LRRD1: variants seen among roughly 807,000 people sequenced by gnomAD.
LRRD1 encodes the protein leucine rich repeats and death domain containing 1, also known as leucine-rich repeat and death domain-containing protein 1.
Under a neutral mutation model 69.5 loss-of-function variants are expected in LRRD1, and 49 were observed. The ratio of observed to expected loss-of-function variants is 0.70; its 90% CI spans 0.56 to 0.89. The LOEUF is 0.89. Among genes scored for constraint, LRRD1 ranks in the 40% least tolerant of loss-of-function variants. The pLI is 0.00. For synonymous variants in LRRD1, 303 were observed against 338.9 expected (o/e 0.89, Z 1.16); for missense variants, 853 against 956.0 (o/e 0.89, Z 1.42).
At chr7:92,178,253 C>T (rs1207894520) in intron 1 of LRRD1, among the ~76,000 whole-genome samples, 2 of 151,936 alleles carry the variant, frequency 1.3e-5, no homozygotes, top group African/African-American at 2.4e-5. Context: ...GTGGAGGTTG[C>T]GGTGAGCCGA....
At position 92,152,315 on chromosome 7, in the gene LRRD1, T is replaced by A. The variant is rs567386225; in HGVS notation, c.2117-1620A>T. 1.3e-4 allele frequency among the ~76,000 whole-genome samples: 20 copies of A among 152,088 alleles called. 1 individual carries two copies. In the South Asian group the frequency reaches 4.1e-3, roughly 32 times the overall value. ...GCATTACAACAATATCAGTGTTGTG[T>A]GTATCAATAGTTTTTTTCTTTTTAA... is the stretch of plus-strand genomic sequence containing the variant. On this transcript the variant is annotated intron_variant, in intron 3 of 5. Transcript: ENST00000458448.
chr7:92,173,860 A>G (rs1449658082), intron 1 of LRRD1, among the ~76,000 whole-genome samples: 1 of 151,228 alleles, frequency 6.6e-6, no homozygotes, highest in Non-Finnish European at 1.5e-5. Context: ...TCACTATATC[A>G]AAGAGATATC....
At chr7:92,142,843 G>GCACCC, downstream of LRRD1, 1 of 406,546 alleles carries the variant, frequency 2.5e-6, no homozygotes, top group Non-Finnish European at 4.8e-6. Flanking sequence ...CGTGTTGAGT[G>GCACCC]TTACAGCTCA....
intron 1 of LRRD1, among the ~76,000 whole-genome samples, chr7:92,168,660 GA>G (rs61001338): frequency 0.053 from 5,114 of 96,914 alleles, 224 homozygotes; most frequent in African/African-American, 0.16. Flanking sequence ...ACTGAGTGGA[GA>G]AAAAAAAAAA....
chr7:92,158,972 T>C, intron 3 of LRRD1, 33 bp downstream of exon 3: 2 of 1,495,634 alleles, frequency 1.3e-6, no homozygotes, highest in Non-Finnish European at 1.8e-6. Context: ...CTCTACTTAT[T>C]GATTATGCTT....
intron 4 of LRRD1, among the ~76,000 whole-genome samples, chr7:92,147,521 A>G (rs1820359460): frequency 7.0e-6 from 1 of 143,518 alleles, no homozygotes. Flanking sequence ...TTTGGTGGAG[A>G]ATATGGGCAA....
chr7:92,165,610 C>G (rs1788889713), intron 1 of LRRD1, among the ~76,000 whole-genome samples: 1 of 151,966 alleles, frequency 6.6e-6, no homozygotes, highest in South Asian at 2.1e-4. Flanking sequence ...CCTGTAATCC[C>G]AGCACTTTGG....
rs966771355 is a variant in LRRD1, at chr7:92,159,112, A to C, written c.2009T>G (p.Ile670Arg). The C allele has an allele frequency of 6.5e-7, 1 of 1,547,936 alleles. No individual in the cohort carries two copies. Among genetic ancestry groups the C allele is most frequent in the African/African-American group, 1.4e-5 (1 of 72,878 alleles). Residue 670 changes from isoleucine (I) to arginine (R), a missense_variant, in exon 3 of 6, where the codon ATA (isoleucine) becomes AGA (arginine). Ile to Arg is a moderately conservative substitution (Grantham distance 97, BLOSUM62 -3). Around this residue, in one of 3 missense-constraint regions of LRRD1, gnomAD observed 739 missense variants for 808.0 expected, o/e 0.91. Transcript: ENST00000458448. ...NNAIREIPRNIGELRNLVSLH... is the reference protein window; with the variant it reads ...NNAIREIPRNRGELRNLVSLH... The stretch of plus-strand genomic sequence containing the variant: ...ACTAACCAAATTTCTCAATTCTCCT[A>C]TATTTCTTGGAATCTCTCTGATTGC...
At position 92,153,725 on chromosome 7, in the gene LRRD1, A is replaced by G. The variant is rs560789001; in HGVS notation, c.2117-3030T>C. On this transcript the variant is annotated intron_variant, in intron 3 of 5. Coordinates refer to ENST00000458448, the MANE Select transcript of LRRD1 (RefSeq NM_001161528.2). ...CAGGCGCCTGTAATCCCAGCTACTC[A>G]GGAGGCTGAGGCAGGAAACCCCAGA... 3.0e-4 allele frequency among the ~76,000 whole-genome samples: 46 copies of G among 151,420 alleles called. 1 individual carries two copies. In the East Asian group the frequency reaches 8.7e-3, roughly 29 times the overall value.
downstream of LRRD1, among the ~76,000 whole-genome samples, chr7:92,143,875 G>A (rs951012849): frequency 1.9e-4 from 29 of 152,242 alleles, no homozygotes; most frequent in African/African-American, 5.3e-4. Context: ...CTGCCAGCAC[G>A]CTGTCACCTC....
intron 2 of LRRD1, among the ~76,000 whole-genome samples, chr7:92,159,424 G>A (rs1268489745): frequency 6.6e-6 from 1 of 151,960 alleles, no homozygotes; most frequent in Non-Finnish European, 1.5e-5. Flanking sequence ...TCTGACCAAT[G>A]CTTCTAATTC....
chr7:92,146,995 T>A (rs1161318826), intron 4 of LRRD1, among the ~76,000 whole-genome samples: 1 of 152,120 alleles, frequency 6.6e-6, no homozygotes, highest in African/African-American at 2.4e-5. Flanking sequence ...ATTTGACATT[T>A]GTTCCATTTT....
At chr7:92,172,332 G>T (rs1475622284) in intron 1 of LRRD1, among the ~76,000 whole-genome samples, 1 of 152,150 alleles carries the variant, frequency 6.6e-6, no homozygotes, top group Non-Finnish European at 1.5e-5. Flanking sequence ...AATGCTGGAA[G>T]TCCTGCCCAC....
chr7:92,161,278 G>T (rs981637943), intron 2 of LRRD1, among the ~76,000 whole-genome samples: 1 of 152,210 alleles, frequency 6.6e-6, no homozygotes, highest in Non-Finnish European at 1.5e-5. Context: ...CACCCCAAGG[G>T]GGTTATCAAG....
chr7:92,152,858 C>G (rs889794997), intron 3 of LRRD1, among the ~76,000 whole-genome samples: 2 of 151,854 alleles, frequency 1.3e-5, no homozygotes, highest in Non-Finnish European at 2.9e-5. Context: ...TTAGTAGAGA[C>G]GAGGTTTCAC....
chr7:92,176,242 G>A (rs181508313), intron 1 of LRRD1, among the ~76,000 whole-genome samples: 1 of 152,128 alleles, frequency 6.6e-6, no homozygotes, highest in Admixed American at 6.5e-5. Flanking sequence ...TTTCTTTTGC[G>A]ATGGAGAATA....
intron 1 of LRRD1, among the ~76,000 whole-genome samples, chr7:92,167,604 G>A (rs1302821717): frequency 2.0e-5 from 3 of 151,622 alleles, no homozygotes; most frequent in Non-Finnish European, 2.9e-5. Flanking sequence ...TCAGCCGGGC[G>A]CGGTGGCTCA....
Position 92,165,094 on chromosome 7 carries a change from A to C in LRRD1, c.109T>G (p.Ser37Ala), listed in dbSNP as rs181858423. Residue 37 changes from serine to alanine, a missense_variant, in exon 2 of 6, where the codon TCA becomes GCA. Transcript: ENST00000458448. ...MKEPGFIKET[S>A]NLINEASDYL... ...TCAGAAGCTTCGTTTATCAAATTTG[A>C]TGTTTCTTTAATAAAGCCAGGCTCC... The C allele has an allele frequency of 1.3e-6, 2 of 1,551,484 alleles. No individual in the cohort carries two copies. The highest frequency in any genetic ancestry group is 2.7e-5 in the African/African-American group (2 of 73,150).
chr7:92,171,747 C>A (rs988818697), intron 1 of LRRD1, among the ~76,000 whole-genome samples: 1 of 152,144 alleles, frequency 6.6e-6, no homozygotes, highest in African/African-American at 2.4e-5. Context: ...CTCTGATGAA[C>A]ATAGATGCAG....
Sources: allele counts gnomAD v4.1 joint callset (sites outside exome capture counted in the v4.1 genomes callset), GRCh38; gene constraint gnomAD v4.1.1; regional missense constraint gnomAD v4.1.1; transcripts MANE v1.5; gene names NCBI Gene and HGNC (gene_info 2026-07-23, HGNC 2026-07-21).